SPATA24: variants seen among roughly 807,000 people sequenced by gnomAD.
SPATA24 encodes the protein spermatogenesis-associated protein 24.
A neutral mutation model predicts 28.9 loss-of-function variants in SPATA24; 21 were observed. The observed-to-expected ratio is 0.73, with a 90% CI of 0.52 to 1.05. The LOEUF (loss-of-function observed/expected upper bound fraction) is 1.05, where lower values mean the gene tolerates loss of function less well. SPATA24 is among the 50% of genes least tolerant of loss of function. The pLI is 0.00. For synonymous variants in SPATA24, 76 were observed against 89.9 expected (o/e 0.85, Z 0.88); for missense variants, 215 against 242.9 (o/e 0.88, Z 0.76).
intron 4 of SPATA24, among the ~76,000 whole-genome samples, chr5:139,401,016 G>C (rs1758810665): frequency 6.6e-6 from 1 of 152,080 alleles, no homozygotes; most frequent in Non-Finnish European, 1.5e-5. Flanking sequence ...AATTAGCCGG[G>C]CATGGTGGTG....
downstream of SPATA24, chr5:139,396,687 C>T (rs1758714726): frequency 1.9e-6 from 3 of 1,543,756 alleles, no homozygotes; most frequent in South Asian, 3.6e-5. Context: ...TTGTGGACCC[C>T]TACCACTATC....
chr5:139,393,992 C>G (rs1393955130), downstream of SPATA24: 2 of 1,550,650 alleles, frequency 1.3e-6, no homozygotes, highest in Non-Finnish European at 1.7e-6. Context: ...ACAGTTCGAT[C>G]CGGCGCCTCT....
downstream of SPATA24, chr5:139,395,216 G>A: frequency 2.3e-6 from 2 of 887,258 alleles, no homozygotes; most frequent in Non-Finnish European, 3.1e-6. Flanking sequence ...CTGAGCCAGC[G>A]GCGCCGGCAG....
chr5:139,402,856 A>G (rs1024088616), intron 1 of SPATA24, among the ~76,000 whole-genome samples, 163 bp from the exon 2 acceptor site: 2 of 152,218 alleles, frequency 1.3e-5, no homozygotes, highest in African/African-American at 4.8e-5. Context: ...ACTGAGACTC[A>G]GCTCTAAGTG....
At chr5:139,402,161 T>C in intron 2 of SPATA24, 116 bp from the exon 3 acceptor site, 1 of 1,321,790 alleles carries the variant, frequency 7.6e-7, no homozygotes, top group Non-Finnish European at 1.0e-6. Flanking sequence ...AGGGAGATTC[T>C]GGCCACCTTG....
At chr5:139,395,900 G>T (rs368999562), downstream of SPATA24, among the ~76,000 whole-genome samples, 1 of 152,214 alleles carries the variant, frequency 6.6e-6, no homozygotes, top group African/African-American at 2.4e-5. Context: ...CCTGCGGCCA[G>T]AACAGCCCTG....
chr5:139,396,096 A>G, downstream of SPATA24: 1 of 872,896 alleles, frequency 1.1e-6, no homozygotes, highest in Non-Finnish European at 1.4e-6. Flanking sequence ...GCCCTGGAGC[A>G]AGAGCACTGC....
At chr5:139,392,510 G>C, downstream of SPATA24, 1 of 1,347,656 alleles carries the variant, frequency 7.4e-7, no homozygotes, top group South Asian at 1.8e-5. The surrounding 1 kb of genome is among the most constrained non-coding windows in gnomAD (Gnocchi z 5.8). Flanking sequence ...CGGTCCGTGG[G>C]AGGCGCCGAG....
downstream of SPATA24, chr5:139,395,024 C>A: frequency 6.9e-7 from 1 of 1,444,124 alleles, no homozygotes; most frequent in South Asian, 1.4e-5. Context: ...CGCGCGGGGG[C>A]CGTGGGCAGC....
chr5:139,394,455 C>T, downstream of SPATA24: 1 of 1,400,110 alleles, frequency 7.1e-7, no homozygotes, highest in Non-Finnish European at 9.2e-7. Context: ...GCAGCTCGAT[C>T]TGACGCTTGG....
At position 139,401,909 on chromosome 5, in the gene SPATA24, A is replaced by G; in HGVS notation, c.314+6T>C. The G allele has an allele frequency of 3.2e-6, 5 of 1,551,562 alleles. No homozygotes were observed. Among genetic ancestry groups the G allele is most frequent in the Non-Finnish European group, 4.4e-6 (5 of 1,146,874 alleles). On this transcript the variant is annotated splice_donor_region_variant and intron_variant, in intron 3 of 5. Coordinates refer to ENST00000450845, the MANE Select transcript of SPATA24 (RefSeq NM_194296.2). ...AACCCCACACCCCGTACTGAGGCCC[A>G]CTCACGCTTTTTCAAAGGCCAGCTT...
Position 139,402,770 on chromosome 5 carries a change from G to A in SPATA24, c.118-77C>T, listed in dbSNP as rs536791754. The A allele has an allele frequency of 1.0e-3, 1,119 of 1,071,458 alleles. 1 individual carries two copies. The highest frequency in any genetic ancestry group is 1.5e-3 in the Non-Finnish European group (1,059 of 714,324). The allele number at this position is 1,071,458 out of a possible 1,614,324, so 66.4% of individuals were successfully genotyped here. ...CCCTCTAGGGACCAGGACCAAAAGC[G>A]GATAACAGGATGATGCTCGTGGTAC... On this transcript the variant is annotated intron_variant, in intron 1 of 5. Coordinates refer to ENST00000450845, the MANE Select transcript of SPATA24 (RefSeq NM_194296.2).
downstream of SPATA24, chr5:139,396,085 G>T: frequency 1.3e-6 from 1 of 753,592 alleles, no homozygotes; most frequent in Non-Finnish European, 1.6e-6. Flanking sequence ...GGCCCCAGCT[G>T]GCCCTGGAGC....
At chr5:139,396,085 G>A (rs1258981857), downstream of SPATA24, 1 of 753,474 alleles carries the variant, frequency 1.3e-6, no homozygotes, top group Admixed American at 6.3e-5. Flanking sequence ...GGCCCCAGCT[G>A]GCCCTGGAGC....
At position 139,401,919 on chromosome 5, in the gene SPATA24, T is replaced by C. The variant is rs886585824; in HGVS notation, c.310A>G (p.Lys104Glu). ...QLEKEKLAFEKALSSVKSKVL... is the reference protein window; with the variant it reads ...QLEKEKLAFEEALSSVKSKVL... The stretch of plus-strand genomic sequence containing the variant: ...CCCGTACTGAGGCCCACTCACGCTT[T>C]TTCAAAGGCCAGCTTCTCTTTCTCC... Residue 104 changes from lysine to glutamate, a missense_variant, in exon 3 of 6, where the codon AAA (lysine) becomes GAA (glutamate). Transcript: ENST00000450845. 3 of 1,551,868 alleles carry C rather than the reference T, an allele frequency of 1.9e-6. No homozygotes were observed. The East Asian group carries it at 7.3e-5, about 38-fold the overall frequency.
downstream of SPATA24, chr5:139,393,614 C>A: frequency 6.4e-7 from 1 of 1,550,756 alleles, no homozygotes; most frequent in Non-Finnish European, 8.7e-7. Flanking sequence ...CGTGGCTCCA[C>A]CGCATCCGCG....
intron 1 of SPATA24, among the ~76,000 whole-genome samples, chr5:139,403,712 G>A (rs1012840832): frequency 7.9e-5 from 12 of 152,228 alleles, no homozygotes; most frequent in Admixed American, 6.5e-5. Flanking sequence ...AGCTCTTGCA[G>A]CAACCAGGCA....
chr5:139,396,511 G>C, downstream of SPATA24: 1 of 1,241,360 alleles, frequency 8.1e-7, no homozygotes, highest in Non-Finnish European at 1.0e-6. Context: ...TTCCGGCCCT[G>C]TAGTCAAGTT....
At chr5:139,401,623 C>T in intron 4 of SPATA24, 132 bp downstream of exon 4, 1 of 1,018,454 alleles carries the variant, frequency 9.8e-7, no homozygotes. Context: ...AGGTGTGGCC[C>T]ACCCGGGCCT....
Sources: allele counts gnomAD v4.1 joint callset (sites outside exome capture counted in the v4.1 genomes callset), GRCh38; gene constraint gnomAD v4.1.1; non-coding constraint Gnocchi (gnomAD v3.1); transcripts MANE v1.5; gene names NCBI Gene and HGNC (gene_info 2026-07-23, HGNC 2026-07-21).